The following CSPP1 variants were observed in gnomAD, a reference collection of about 807,000 sequenced individuals.
CSPP1 encodes centrosome and spindle pole-associated protein 1.
Under a neutral mutation model 164.4 loss-of-function variants are expected in CSPP1, and 126 were observed. The observed-to-expected ratio is 0.77, with a 90% CI of 0.66 to 0.89. CSPP1 has a LOEUF of 0.89. Ranked by LOEUF, CSPP1 falls within the 40% of genes least tolerant of loss-of-function variation. The pLI, the probability that CSPP1 is intolerant of heterozygous loss-of-function variation, is 0.00. For synonymous variants in CSPP1, 472 were observed against 476.7 expected, an observed-to-expected ratio of 0.99 and a Z score of 0.13; for missense variants, 1,395 against 1,449.8, an observed-to-expected ratio of 0.96 and a Z score of 0.61.
intron 3 of CSPP1, chr8:67,083,545 AAAAATATAT>A (rs1809698017): frequency 1.5e-5 from 2 of 134,270 alleles, no homozygotes; most frequent in African/African-American, 2.9e-5. Flanking sequence ...AAAAAAAAAA[AAAAATATAT>A]ATATATATAT....
chr8:67,138,310 G>C (rs1349237984), intron 17 of CSPP1, among the ~76,000 whole-genome samples: 1 of 152,010 alleles, frequency 6.6e-6, no homozygotes, highest in Non-Finnish European at 1.5e-5. Flanking sequence ...TAAAGTGTTC[G>C]CATATAACCT....
Position 67,134,551 on chromosome 8 carries a change from CTTTTTTTTTT to C in CSPP1, c.1827+2487_1827+2496del, listed in dbSNP as rs35436646. On this transcript the variant is annotated intron_variant, in intron 16 of 30. Transcript: ENST00000678616. ...ACAGGTAGAGTAGATTTAGCATCAT[CTTTTTTTTTT>C]TTTTTTTTTTTTTTTAAAGACGGAG... 2.4e-4 allele frequency: 25 copies of C among 104,722 alleles called. No homozygotes were observed. In the Admixed American group the frequency reaches 2.5e-3, roughly 10 times the overall value. The allele number at this position is 104,722 out of a possible 1,614,324, so 6.5% of individuals were successfully genotyped here.
chr8:67,144,364 GT>G (rs1481916376), intron 17 of CSPP1, among the ~76,000 whole-genome samples: 29 of 152,236 alleles, frequency 1.9e-4, no homozygotes, highest in Non-Finnish European at 3.5e-4. Flanking sequence ...AGATATTCTG[GT>G]TTTTTATTTC....
intron 17 of CSPP1, among the ~76,000 whole-genome samples, chr8:67,139,435 C>T (rs1228322630): frequency 1.3e-5 from 2 of 151,860 alleles, no homozygotes; most frequent in South Asian, 4.2e-4. Flanking sequence ...GTCAGTGTGG[C>T]GATTCCTCAG....
At chr8:67,083,423 T>C (rs1809632030) in intron 3 of CSPP1, among the ~76,000 whole-genome samples, 1 of 150,496 alleles carries the variant, frequency 6.6e-6, no homozygotes, top group African/African-American at 2.4e-5. Flanking sequence ...TCCCAGCTAC[T>C]TGAGAGGCTG....
At chr8:67,088,950 TAG>T (rs1361910072) in intron 4 of CSPP1, among the ~76,000 whole-genome samples, 6 of 150,806 alleles carry the variant, frequency 4.0e-5, no homozygotes, top group Non-Finnish European at 7.4e-5. Context: ...TCCTTAAAAT[TAG>T]AGAGACAGTC....
chr8:67,179,805 T>C, intron 27 of CSPP1, 58 bp from the exon 28 acceptor site: 1 of 1,176,578 alleles, frequency 8.5e-7, no homozygotes, highest in Non-Finnish European at 1.3e-6. Flanking sequence ...TTAGTATAAA[T>C]TTGTTGTTTT....
At chr8:67,145,635 T>C (rs1824383200) in intron 17 of CSPP1, among the ~76,000 whole-genome samples, 1 of 152,080 alleles carries the variant, frequency 6.6e-6, no homozygotes, top group South Asian at 2.1e-4. Flanking sequence ...GTGATTCTCC[T>C]GCCTCAGCCT....
chr8:67,118,501 A>C, intron 14 of CSPP1, 132 bp downstream of exon 14: 2 of 900,560 alleles, frequency 2.2e-6, no homozygotes, highest in Non-Finnish European at 3.5e-6. Context: ...ATATTGATTT[A>C]ATAAATGCCC....
At chr8:67,135,101 T>G (rs1821984859) in intron 16 of CSPP1, 1 of 152,242 alleles carries the variant, frequency 6.6e-6, no homozygotes, top group Non-Finnish European at 1.5e-5. Context: ...TTATCTGATC[T>G]AGACTTTCTG....
intron 9 of CSPP1, among the ~76,000 whole-genome samples, chr8:67,111,024 T>G (rs1301282897): frequency 6.6e-6 from 1 of 152,204 alleles, no homozygotes; most frequent in Non-Finnish European, 1.5e-5. Context: ...GCTTCACTTT[T>G]GCTGACATCT....
chr8:67,069,248 T>C (rs1430944918), intron 1 of CSPP1: 1 of 152,242 alleles, frequency 6.6e-6, no homozygotes, highest in Non-Finnish European at 1.5e-5. Context: ...TCTTTGACTC[T>C]TTAATATTAA....
chr8:67,077,381 G>C, intron 3 of CSPP1, among the ~76,000 whole-genome samples: 1 of 151,922 alleles, frequency 6.6e-6, no homozygotes, highest in East Asian at 1.9e-4. Flanking sequence ...TGTCGCCCAG[G>C]CTGGAGTGCA....
intron 28 of CSPP1, among the ~76,000 whole-genome samples, chr8:67,185,752 TGAG>T (rs1410429196): frequency 1.3e-5 from 2 of 151,742 alleles, no homozygotes; most frequent in Middle Eastern, 3.2e-3. Flanking sequence ...ATGATGATGA[TGAG>T]TTTGATGATG....
intron 28 of CSPP1, among the ~76,000 whole-genome samples, chr8:67,186,970 C>CATCTATCTATCTATCT (rs59504632): frequency 4.4e-4 from 66 of 149,870 alleles, no homozygotes; most frequent in East Asian, 1.6e-3. Flanking sequence ...ATCTATCTAT[C>CATCTATCTATCTATCT]ATCTATCTAT....
chr8:67,165,396 C>T (rs901881903), intron 24 of CSPP1, among the ~76,000 whole-genome samples: 2 of 152,194 alleles, frequency 1.3e-5, no homozygotes, highest in Non-Finnish European at 1.5e-5. Context: ...CAGAGGCTGA[C>T]ATTAGAACAT....
In CSPP1 at chr8:67,175,149, T is replaced by C; in HGVS notation, c.2969-147T>C. On this transcript the variant is annotated intron_variant, in intron 25 of 30. Coordinates refer to ENST00000678616, the MANE Select transcript of CSPP1 (RefSeq NM_001382391.1). ...TTCTTTAGTTTTGTGGCTATTTTAC[T>C]GTCCTTTGACTTTAGTGATGTTTCA... 4.6e-6 allele frequency: 3 copies of C among 653,218 alleles called. No individual in the cohort carries two copies. In the South Asian group the frequency reaches 5.8e-5, roughly 13 times the overall value. 40.5% of individuals were successfully genotyped at this position (653,218 alleles called of 1,614,324 possible). A position where few individuals can be genotyped will look rare whatever the true frequency, so the allele number is the denominator to read the frequency against.
chr8:67,154,682 A>G (rs1428839137), intron 19 of CSPP1, among the ~76,000 whole-genome samples: 1 of 151,828 alleles, frequency 6.6e-6, no homozygotes, highest in Non-Finnish European at 1.5e-5. Flanking sequence ...TGTATTTTTA[A>G]TAGAGACGGG....
chr8:67,175,224 A>G (rs1831320632), intron 25 of CSPP1, 72 bp from the exon 26 acceptor site: 1 of 1,098,998 alleles, frequency 9.1e-7, no homozygotes, highest in African/African-American at 1.6e-5. Context: ...CATGTTACTT[A>G]CAGTGAAGTT....
Sources: allele counts gnomAD v4.1 joint callset (sites outside exome capture counted in the v4.1 genomes callset), GRCh38; gene constraint gnomAD v4.1.1; transcripts MANE v1.5; gene names NCBI Gene and HGNC (gene_info 2026-07-23, HGNC 2026-07-21).